MAGI1: variants seen among roughly 807,000 people sequenced by gnomAD.
The protein encoded by MAGI1 is membrane associated guanylate kinase, WW and PDZ domain containing 1.
MAGI1 carries 58 observed loss-of-function variants against 139.9 expected under a neutral mutation model. That is an observed-to-expected ratio of 0.41 (90% CI 0.34 to 0.52). The LOEUF is 0.52. Ranked by LOEUF, MAGI1 falls within the 20% of genes least tolerant of loss-of-function variation. MAGI1 has a pLI of 0.12. For synonymous variants in MAGI1, 812 were observed against 737.9 expected (o/e 1.10, Z -1.63); for missense variants, 1,874 against 1,901.6 (o/e 0.99, Z 0.27).
intron 1 of MAGI1, among the ~76,000 whole-genome samples, chr3:65,839,911 C>CA (rs2058748631): frequency 6.6e-6 from 1 of 152,140 alleles, no homozygotes; most frequent in Non-Finnish European, 1.5e-5. Flanking sequence ...GGTATCTCTC[C>CA]ATTCATTTAG....
intron 1 of MAGI1, among the ~76,000 whole-genome samples, chr3:65,658,587 G>C (rs78129259): frequency 0.013 from 1,931 of 152,268 alleles, 38 homozygotes; most frequent in African/African-American, 0.044. Flanking sequence ...TTCTGATTCA[G>C]TAGGACTGGG....
At chr3:65,716,445 T>G (rs984726232) in intron 1 of MAGI1, among the ~76,000 whole-genome samples, 1 of 152,164 alleles carries the variant, frequency 6.6e-6, no homozygotes, top group Non-Finnish European at 1.5e-5. Flanking sequence ...CGATGTGCAG[T>G]GCACAAAAAT....
chr3:65,517,373 C>T (rs2077955311), intron 2 of MAGI1, among the ~76,000 whole-genome samples: 1 of 152,112 alleles, frequency 6.6e-6, no homozygotes, highest in African/African-American at 2.4e-5. Context: ...CACCCTTGAA[C>T]TACCTATCCT....
At chr3:65,696,527 C>T (rs1260869057) in intron 1 of MAGI1, among the ~76,000 whole-genome samples, 2 of 152,112 alleles carry the variant, frequency 1.3e-5, no homozygotes, top group East Asian at 3.9e-4. Flanking sequence ...ATGTATTCCC[C>T]ACTTATAATT....
At chr3:65,957,082 G>C (rs758513326) in intron 1 of MAGI1, among the ~76,000 whole-genome samples, 3 of 152,034 alleles carry the variant, frequency 2.0e-5, no homozygotes, top group Non-Finnish European at 4.4e-5. Flanking sequence ...ATACCCTAGA[G>C]AAATGAAAAT....
chr3:65,696,268 T>C (rs2089178456), intron 1 of MAGI1, among the ~76,000 whole-genome samples: 1 of 152,206 alleles, frequency 6.6e-6, no homozygotes. Context: ...TCTGTCTCCA[T>C]CACTTTCTGC....
chr3:65,868,552 C>A (rs2059809728), intron 1 of MAGI1, among the ~76,000 whole-genome samples: 1 of 152,174 alleles, frequency 6.6e-6, no homozygotes, highest in Non-Finnish European at 1.5e-5. Flanking sequence ...TGGGGTATCA[C>A]AAATGCACTC....
chr3:65,718,389 A>G (rs2032545484), intron 1 of MAGI1: 1 of 152,168 alleles, frequency 6.6e-6, no homozygotes, highest in Non-Finnish European at 1.5e-5. Flanking sequence ...AGATGAACCA[A>G]TCTTTGAACA....
chr3:66,020,264 C>G (rs2067891113), intron 1 of MAGI1, among the ~76,000 whole-genome samples: 1 of 152,152 alleles, frequency 6.6e-6, no homozygotes, highest in Admixed American at 6.5e-5. Context: ...TGGTGAAACT[C>G]CATCTCTATT....
intron 1 of MAGI1, among the ~76,000 whole-genome samples, chr3:65,961,757 T>C (rs1448043572): frequency 6.6e-6 from 1 of 152,202 alleles, no homozygotes; most frequent in Non-Finnish European, 1.5e-5. Context: ...CGTGTCATTT[T>C]ACACGTTTCA....
intron 1 of MAGI1, among the ~76,000 whole-genome samples, chr3:65,671,684 CT>C (rs1387904423): frequency 6.6e-6 from 1 of 152,144 alleles, no homozygotes; most frequent in Non-Finnish European, 1.5e-5. Context: ...GAGAAAGTTA[CT>C]TGCCCTCTCT....
chr3:65,684,075 G>A (rs1450073749), intron 1 of MAGI1, among the ~76,000 whole-genome samples: 1 of 150,466 alleles, frequency 6.6e-6, no homozygotes, highest in African/African-American at 2.4e-5. Context: ...CTGGGAGGCT[G>A]GGGCAGGAGG....
At chr3:65,860,998 G>A (rs2059538226) in intron 1 of MAGI1, among the ~76,000 whole-genome samples, 1 of 152,080 alleles carries the variant, frequency 6.6e-6, no homozygotes, top group African/African-American at 2.4e-5. Flanking sequence ...CAAATAAGAA[G>A]GGCATAGGTT....
intron 1 of MAGI1, among the ~76,000 whole-genome samples, chr3:65,728,282 A>G (rs954739451): frequency 6.6e-6 from 1 of 152,154 alleles, no homozygotes. Context: ...GAACAGGATG[A>G]TTGGAGCTGG....
rs2060703863 is a variant in MAGI1, at chr3:65,890,454, T to C, written c.313+147542A>G. ...ACACACACCGAGGAGGTCAGAAACA[T>C]GTTCTTGTGCATCCAACTTCAAAAC... On this transcript the variant is annotated intron_variant, in intron 1 of 22. Coordinates refer to ENST00000402939, the MANE Select transcript of MAGI1 (RefSeq NM_001033057.2). Among the ~76,000 whole-genome samples, 2 of 152,302 alleles carry C rather than the reference T, an allele frequency of 1.3e-5. 1 individual carries two copies. Among genetic ancestry groups the C allele is most frequent in the South Asian group, 4.1e-4 (2 of 4,828 alleles).
chr3:65,448,283 C>A, intron 6 of MAGI1: 1 of 589,440 alleles, frequency 1.7e-6, no homozygotes, highest in Non-Finnish European at 3.0e-6. Context: ...TTACATGGCT[C>A]ATTTCCTTGC....
At chr3:66,024,491 C>A (rs1200009157) in intron 1 of MAGI1, among the ~76,000 whole-genome samples, 1 of 150,700 alleles carries the variant, frequency 6.6e-6, no homozygotes, top group Non-Finnish European at 1.5e-5. Flanking sequence ...CCCCACCACT[C>A]CCTAATTGTC....
chr3:65,365,569 A>C, intron 18 of MAGI1, among the ~76,000 whole-genome samples: 1 of 152,216 alleles, frequency 6.6e-6, no homozygotes, highest in Admixed American at 6.5e-5. Context: ...TTCTTTACTA[A>C]TAATTTCTTC....
intron 15 of MAGI1, 50 bp downstream of exon 15, chr3:65,383,482 T>C: frequency 7.0e-7 from 1 of 1,427,068 alleles, no homozygotes; most frequent in Non-Finnish European, 9.9e-7. Flanking sequence ...CCAATTTGCT[T>C]TGAAGCCTTA....
Sources: allele counts gnomAD v4.1 joint callset (sites outside exome capture counted in the v4.1 genomes callset), GRCh38; gene constraint gnomAD v4.1.1; transcripts MANE v1.5; gene names NCBI Gene and HGNC (gene_info 2026-07-23, HGNC 2026-07-21).